Variants in CARD10 observed in about 807,000 individuals in gnomAD.
CARD10 encodes the protein caspase recruitment domain-containing protein 10.
CARD10 carries 49 observed loss-of-function variants against 114.6 expected under a neutral mutation model. That is an observed-to-expected ratio of 0.43 (90% CI 0.34 to 0.54). The LOEUF (loss-of-function observed/expected upper bound fraction) is 0.54, where lower values mean the gene tolerates loss of function less well. Among genes scored for constraint, CARD10 ranks in the 20% least tolerant of loss-of-function variants. The pLI is 0.03. For synonymous variants in CARD10, 602 were observed against 593.2 expected, an observed-to-expected ratio of 1.01 and a Z score of -0.21; for missense variants, 1,206 against 1,397.2, an observed-to-expected ratio of 0.86 and a Z score of 2.18.
rs376989677 is a variant in CARD10 at position 37,495,541 on chromosome 22, G to A, written c.2349C>T (p.Ser783=). 3.5e-5 allele frequency: 57 copies of A among 1,612,676 alleles called. No homozygotes were observed. The highest frequency in any genetic ancestry group is 4.7e-5 in the Non-Finnish European group (55 of 1,179,704). Residue 783 remains serine, a synonymous_variant, in exon 15 of 20, where the codon AGC becomes AGT. Coordinates refer to ENST00000251973, the MANE Select transcript of CARD10 (RefSeq NM_014550.4). The part of the protein sequence containing the change: ...LEVQEKCLPS[S]RHRGPRSNLK... ...CATTACTGCGGGGGCCTCGGTGCCG[G>A]CTGGAGGGCAGGCATTTCTCCTGAA...
chr22:37,519,357 T>A lies in CARD10; in HGVS notation c.-157A>T, dbSNP rs1372086192. 4.0e-6 allele frequency: 5 copies of A among 1,239,528 alleles called. No individual in the cohort carries two copies. The East Asian group carries it at 1.6e-4, about 40-fold the overall frequency. The allele number at this position is 1,239,528 out of a possible 1,614,324, so 76.8% of individuals were successfully genotyped here. ...CCGCGACTCACCCCGCACGCTACAG[T>A]CGCCTCGGGCTCCCGGGTCCGCACT... On this transcript the variant is annotated 5_prime_UTR_variant, in exon 1 of 20. Transcript: ENST00000251973. The surrounding 1 kb of genome is among the most constrained non-coding windows in gnomAD (Gnocchi z 4.1).
At chr22:37,505,671 C>T (rs1044269938) in intron 7 of CARD10, among the ~76,000 whole-genome samples, 6 of 151,870 alleles carry the variant, frequency 4.0e-5, no homozygotes, top group East Asian at 1.9e-4. Context: ...GCAGAGCTCC[C>T]GGCAGCAGCC....
At chr22:37,504,928 T>C (rs6000752) in intron 7 of CARD10, among the ~76,000 whole-genome samples, 159 bp from the exon 8 acceptor site, 36 of 152,224 alleles carry the variant, frequency 2.4e-4, no homozygotes, top group African/African-American at 8.4e-4. Context: ...CCAGCAGACA[T>C]GTGAACAAAA....
intron 5 of CARD10, among the ~76,000 whole-genome samples, chr22:37,508,242 G>A (rs912579043): frequency 2.0e-5 from 3 of 152,102 alleles, no homozygotes; most frequent in Admixed American, 1.3e-4. Context: ...CATCTCCCAC[G>A]GTGCTCATCG....
chr22:37,512,276 CCAGA>C (rs1204746169), intron 3 of CARD10: 1 of 152,090 alleles, frequency 6.6e-6, no homozygotes, highest in East Asian at 1.9e-4. Flanking sequence ...TCTGAGGTGG[CCAGA>C]CAGTGACAAG....
chr22:37,496,397 G>T lies in CARD10; in HGVS notation c.2059+52C>A. 2 of 1,358,150 alleles carry T rather than the reference G, an allele frequency of 1.5e-6. No individual in the cohort carries two copies. Among genetic ancestry groups the T allele is most frequent in the Non-Finnish European group, 1.0e-6 (1 of 956,372 alleles). 84.1% of individuals were successfully genotyped at this position (1,358,150 alleles called of 1,614,324 possible). On this transcript the variant is annotated intron_variant, in intron 13 of 19. Coordinates refer to ENST00000251973, the MANE Select transcript of CARD10 (RefSeq NM_014550.4). The surrounding 1 kb of genome is among the most constrained non-coding windows in gnomAD (Gnocchi z 4.1). ...GTCCCTCCCCACCCCATGCACCACG[G>T]GTTAGAGGACCCCTCTGGGGCCAAC...
rs750030910 is a variant in CARD10 at position 37,492,816 on chromosome 22, G to C, written c.2477-14C>G. The C allele has an allele frequency of 2.5e-6, 4 of 1,607,708 alleles. No homozygotes were observed. The highest frequency in any genetic ancestry group is 1.7e-4 in the Middle Eastern group (1 of 6,038). On this transcript the variant is annotated splice_polypyrimidine_tract_variant and intron_variant, in intron 16 of 19. Coordinates refer to ENST00000251973, the MANE Select transcript of CARD10 (RefSeq NM_014550.4). This position sits in a 1 kb window ranked among gnomAD's most constrained non-coding sequence, Gnocchi z 5.7. ...TCCGCTCCGGCTCTGTGGCAGGGGAGGGGCGCAAAAGAGATAAGGGCACAG... is the reference window on the plus strand; with the variant it reads ...TCCGCTCCGGCTCTGTGGCAGGGGACGGGCGCAAAAGAGATAAGGGCACAG...
chr22:37,504,892 G>C (rs967605632), intron 7 of CARD10, 123 bp from the exon 8 acceptor site: 4 of 467,296 alleles, frequency 8.6e-6, no homozygotes, highest in African/African-American at 8.0e-5. Context: ...GGAGCTCACA[G>C]CCTAGAATGG....
intron 19 of CARD10, 66 bp downstream of exon 19, chr22:37,491,689 G>A: frequency 2.3e-6 from 2 of 859,336 alleles, no homozygotes; most frequent in Non-Finnish European, 3.9e-6. Context: ...GAGGGAGAGA[G>A]GCATCCTCAA....
intron 19 of CARD10, 95 bp downstream of exon 19, chr22:37,491,660 G>C (rs1424473803): frequency 9.2e-6 from 5 of 543,564 alleles, no homozygotes; most frequent in Admixed American, 4.9e-5. Flanking sequence ...GAGAAAGAGG[G>C]GGAGGGAGAG....
At chr22:37,491,922 C>T in intron 18 of CARD10, 55 bp from the exon 19 acceptor site, 1 of 1,222,928 alleles carries the variant, frequency 8.2e-7, no homozygotes, top group Non-Finnish European at 1.2e-6. Flanking sequence ...ATCAGCCTCC[C>T]ATGCGCTGCC....
intron 3 of CARD10, chr22:37,510,699 G>T: frequency 2.2e-6 from 1 of 454,908 alleles, no homozygotes; most frequent in South Asian, 3.7e-5. Context: ...ATCACGACAC[G>T]CTGTCTGTCC....
In CARD10 at chr22:37,492,573, G is replaced by A. The variant is rs1469159354; in HGVS notation, c.2636-23C>T. 2.5e-6 allele frequency: 4 copies of A among 1,603,158 alleles called. No individual in the cohort carries two copies. The highest frequency in any genetic ancestry group is 3.4e-6 in the Non-Finnish European group (4 of 1,173,756). ...TTTCTGCACAGGGAGTGGAGAGGGAGAGATGAAGGATCCATGGGCCCGGCT... is the reference window on the plus strand; with the variant it reads ...TTTCTGCACAGGGAGTGGAGAGGGAAAGATGAAGGATCCATGGGCCCGGCT... On this transcript the variant is annotated intron_variant, in intron 17 of 19. Coordinates refer to ENST00000251973, the MANE Select transcript of CARD10 (RefSeq NM_014550.4). This position sits in a 1 kb window ranked among gnomAD's most constrained non-coding sequence, Gnocchi z 5.7.
intron 11 of CARD10, among the ~76,000 whole-genome samples, chr22:37,498,753 T>C (rs1368225740): frequency 6.6e-6 from 1 of 152,170 alleles, no homozygotes; most frequent in Non-Finnish European, 1.5e-5. Flanking sequence ...ATGCTGGCCC[T>C]GGCTTTGTGG....
rs1365518645 is a variant in CARD10, at chr22:37,508,608, C to T, written c.984G>A (p.Ala328=). The T allele has an allele frequency of 6.3e-6, 10 of 1,578,990 alleles. No homozygotes were observed. Among genetic ancestry groups the T allele is most frequent in the Admixed American group, 3.6e-5 (2 of 56,046 alleles). The change falls in exon 5 of 20, where the codon GCG becomes GCA. Residue 328 remains alanine, a synonymous_variant. Transcript: ENST00000251973. Reference sequence around the variant, plus strand: ...GGCACAGCTCCTGCCTGCTGTCCTGCGCCTCCCGCCAGTCATGCTCTAGGA... The same window carrying T: ...GGCACAGCTCCTGCCTGCTGTCCTGTGCCTCCCGCCAGTCATGCTCTAGGA... The part of the protein sequence containing the change: ...LDILEHDWRE[A]QDSRQELCQK...
Position 37,516,247 on chromosome 22 carries a change from C to T in CARD10, c.425G>A (p.Arg142Gln), listed in dbSNP as rs199764326. 5.8e-4 allele frequency: 930 copies of T among 1,605,516 alleles called. 1 individual carries two copies. Among genetic ancestry groups the T allele is most frequent in the Non-Finnish European group, 7.5e-4 (877 of 1,177,040 alleles). Residue 142 changes from arginine (R) to glutamine (Q), a missense_variant, in exon 3 of 20, where the codon CGG becomes CAG. Around this residue, in one of 2 missense-constraint regions of CARD10, gnomAD observed 138 missense variants for 218.0 expected, o/e 0.63. Transcript: ENST00000251973. The part of the protein sequence containing the change: ...LTQFLMTEVR[R>Q]LREARKSQLQ... The stretch of plus-strand genomic sequence containing the variant: ...CTGGCTCTTGCGAGCTTCCCGCAGC[C>T]GTCGCACCTCTGTCATCAAGAATTG...
Position 37,497,177 on chromosome 22 carries a change from A to C in CARD10, c.1789T>G (p.Ser597Ala). The C allele has an allele frequency of 6.2e-7, 1 of 1,611,098 alleles. No individual in the cohort carries two copies. Among genetic ancestry groups the C allele is most frequent in the Non-Finnish European group, 8.5e-7 (1 of 1,178,990 alleles). The change falls in exon 12 of 20, where the codon TCT (serine) becomes GCT (alanine). Residue 597 changes from serine to alanine, a missense_variant and splice_region_variant. By Grantham distance (99) the Ser-to-Ala change is moderately conservative (BLOSUM62 1). Around this residue, in one of 2 missense-constraint regions of CARD10, gnomAD observed 1,068 missense variants for 1,179.1 expected, o/e 0.91. Transcript: ENST00000251973. ...RGCGLDFLNR[S>A]LAIRVSGRSP... ...CGGCCAGACACCCGAATAGCCAGAGACCTGAGAAGGGAGAAAGGAGATGAG... is the reference window on the plus strand; with the variant it reads ...CGGCCAGACACCCGAATAGCCAGAGCCCTGAGAAGGGAGAAAGGAGATGAG...
At chr22:37,497,324 T>C (rs1923041908) in intron 11 of CARD10, 146 bp from the exon 12 acceptor site, 1 of 767,268 alleles carries the variant, frequency 1.3e-6, no homozygotes, top group African/African-American at 1.8e-5. Context: ...GCCCTCTTCC[T>C]TGCCTTCTCC....
chr22:37,517,750 G>GCC (rs1487023508), intron 2 of CARD10, among the ~76,000 whole-genome samples: 2 of 152,196 alleles, frequency 1.3e-5, no homozygotes, highest in Admixed American at 6.5e-5. Context: ...CGAAGAAAGA[G>GCC]CCATCTTAAG....
Sources: allele counts gnomAD v4.1 joint callset (sites outside exome capture counted in the v4.1 genomes callset), GRCh38; gene constraint gnomAD v4.1.1; regional missense constraint gnomAD v4.1.1; non-coding constraint Gnocchi (gnomAD v3.1); transcripts MANE v1.5; gene names NCBI Gene and HGNC (gene_info 2026-07-23, HGNC 2026-07-21).